The following NBPF9 variants were observed in gnomAD, a reference collection of about 807,000 sequenced individuals.
NBPF9 encodes NBPF member 9.
Under a neutral mutation model 97.8 loss-of-function variants are expected in NBPF9, and 91 were observed. The observed-to-expected ratio is 0.93, with a 90% confidence interval of 0.79 to 1.11. NBPF9 has a LOEUF of 1.11. Ranked by LOEUF, NBPF9 falls within the 50% of genes least tolerant of loss-of-function variation. NBPF9 has a pLI of 0.00. For synonymous variants in NBPF9, 334 were observed against 359.5 expected (o/e 0.93, Z 0.80); for missense variants, 992 against 939.5 (o/e 1.06, Z -0.73).
exon 30 of NBPF9, chr1:149,054,730 C>CG (rs2078098380): frequency 6.6e-6 from 1 of 150,560 alleles, no homozygotes; most frequent in Non-Finnish European, 1.5e-5. Context: ...TTCAAAATAA[C>CG]TAAAGAAATG....
chr1:149,063,077 T>C (rs1322056639), intron 20 of NBPF9, among the ~76,000 whole-genome samples, 164 bp from the exon 21 acceptor site: 1 of 139,032 alleles, frequency 7.2e-6, no homozygotes, highest in African/African-American at 2.9e-5. Context: ...ACCATAGAGA[T>C]TCCTTGGTTT....
At chr1:149,071,567 T>C in intron 15 of NBPF9, 37 bp downstream of exon 15, 1 of 954,908 alleles carries the variant, frequency 1.0e-6, no homozygotes, top group Non-Finnish European at 1.6e-6. Flanking sequence ...CCTCATATGT[T>C]ACCATCCATT....
chr1:149,081,351 C>T (rs1553656691), intron 7 of NBPF9, among the ~76,000 whole-genome samples: 1 of 151,966 alleles, frequency 6.6e-6, no homozygotes. Context: ...AACTGCTGAC[C>T]TCGTGCTCTG....
chr1:149,082,952 CT>C (rs1175496893), intron 5 of NBPF9, among the ~76,000 whole-genome samples: 8 of 61,004 alleles, frequency 1.3e-4, no homozygotes, highest in Non-Finnish European at 2.3e-4. Context: ...GCTAATTTTT[CT>C]TTTCTTTTTT....
At chr1:149,080,619 AT>A (rs1424265069) in intron 7 of NBPF9, among the ~76,000 whole-genome samples, 1 of 151,286 alleles carries the variant, frequency 6.6e-6, no homozygotes, top group East Asian at 1.9e-4. Flanking sequence ...AAAATATTTC[AT>A]TTTTAGATCA....
exon 30 of NBPF9, chr1:149,055,582 A>G (rs2078152596): frequency 6.5e-7 from 1 of 1,529,972 alleles, no homozygotes; most frequent in Non-Finnish European, 8.9e-7. Context: ...ATGGAACTGT[A>G]CTTTCATTCA....
chr1:149,074,225 G>C (rs1478297313), intron 12 of NBPF9, among the ~76,000 whole-genome samples: 2 of 151,578 alleles, frequency 1.3e-5, no homozygotes, highest in East Asian at 3.9e-4. Context: ...GGGGCATGAA[G>C]TAGTGATTTC....
chr1:149,064,120 A>C lies in NBPF9; in HGVS notation c.1853+311T>G, dbSNP rs112734863. On this transcript the variant is annotated intron_variant, in intron 19 of 29. Coordinates refer to ENST00000584027, the Ensembl canonical transcript of NBPF9. ...CTGTATTTGTGCTCTCAGGACACACAGTGAACAGTGATCATGAAAAGCATG... is the reference window on the plus strand; with the variant it reads ...CTGTATTTGTGCTCTCAGGACACACCGTGAACAGTGATCATGAAAAGCATG... Among the ~76,000 whole-genome samples the C allele has an allele frequency of 4.3e-5, 6 of 139,178 alleles. No homozygotes were observed. In the South Asian group the frequency reaches 1.2e-3, roughly 28 times the overall value. 91.3% of individuals were successfully genotyped at this position (139,178 alleles called of 152,430 possible).
At chr1:149,057,752 CAGAG>C (rs1250490177) in intron 27 of NBPF9, among the ~76,000 whole-genome samples, 4 of 64,300 alleles carry the variant, frequency 6.2e-5, no homozygotes, top group Admixed American at 1.6e-4. Flanking sequence ...CACACACACA[CAGAG>C]AGAGAGAGAG....
intron 5 of NBPF9, among the ~76,000 whole-genome samples, chr1:149,087,790 T>G (rs1474027281): frequency 1.3e-5 from 2 of 151,174 alleles, no homozygotes; most frequent in Non-Finnish European, 2.9e-5. Flanking sequence ...TTTTGTAGTT[T>G]TTGTTGTACT....
rs2078530371 is a variant in NBPF9, at chr1:149,060,604, G to A, written c.2395C>T (p.Gln799Ter). The stretch of plus-strand genomic sequence containing the variant: ...CCATAGGGCTGGCAGGAGTCAGGCT[G>A]TTCAAGACAACTGGAAGGAGTTGAA... The change falls in exon 24 of 30, where the codon CAG becomes TAG. Residue 799 changes from glutamine to a stop codon, truncating the protein, a stop_gained. Transcript: ENST00000584027. LOFTEE classifies it high-confidence loss of function. 2 of 392,280 alleles carry A rather than the reference G, an allele frequency of 5.1e-6. No homozygotes were observed. The highest frequency in any genetic ancestry group is 8.9e-6 in the Non-Finnish European group (2 of 224,042). 24.3% of individuals were successfully genotyped at this position (392,280 alleles called of 1,614,324 possible).
intron 5 of NBPF9, among the ~76,000 whole-genome samples, chr1:149,088,334 A>G (rs1293975228): frequency 3.5e-3 from 507 of 143,270 alleles, no homozygotes; most frequent in African/African-American, 0.014. Flanking sequence ...GTTAACAAAC[A>G]CAGTCATTAT....
At chr1:149,059,396 C>G (rs2152866118) in intron 25 of NBPF9, 1 of 420,724 alleles carries the variant, frequency 2.4e-6, no homozygotes, top group East Asian at 3.0e-5. Flanking sequence ...TCATGACACA[C>G]AGCAAACTGT....
rs1257329255 is a variant in NBPF9 at position 149,059,368 on chromosome 1, C to G, written c.2586-271G>C. The G allele has an allele frequency of 4.5e-6, 2 of 446,154 alleles. 1 individual carries two copies. The highest frequency in any genetic ancestry group is 5.0e-5 in the African/African-American group (2 of 40,358). 27.6% of individuals were successfully genotyped at this position (446,154 alleles called of 1,614,324 possible). A position where few individuals can be genotyped will look rare whatever the true frequency, so the allele number is the denominator to read the frequency against. ...ACACACTGATGAAGGAGTAAAAGGA[C>G]ACTCTGAGTTCGTGCCCTCATGACA... On this transcript the variant is annotated intron_variant, in intron 25 of 29. Coordinates refer to ENST00000584027, the Ensembl canonical transcript of NBPF9.
chr1:149,085,878 C>T (rs1194042386), intron 5 of NBPF9, among the ~76,000 whole-genome samples: 1 of 151,812 alleles, frequency 6.6e-6, no homozygotes, highest in Non-Finnish European at 1.5e-5. Context: ...AGAGGAAATT[C>T]CCTATGCCCC....
At chr1:149,082,390 T>A (rs1378329516) in exon 6 of NBPF9, 9 of 1,356,088 alleles carry the variant, frequency 6.6e-6, no homozygotes, top group Admixed American at 2.0e-5. Flanking sequence ...CAGACTCTGA[T>A]AAGAGTGAGG....
At chr1:149,095,398 G>T (rs1305671662) in intron 4 of NBPF9, among the ~76,000 whole-genome samples, 1 of 141,512 alleles carries the variant, frequency 7.1e-6, no homozygotes, top group Non-Finnish European at 1.5e-5. Flanking sequence ...GGGATCCTGG[G>T]TTCAATGATG....
intron 5 of NBPF9, among the ~76,000 whole-genome samples, 163 bp downstream of exon 5, chr1:149,090,589 GT>G (rs2081352115): frequency 6.6e-6 from 1 of 152,024 alleles, no homozygotes; most frequent in South Asian, 2.1e-4. Flanking sequence ...TCTAAAGAAT[GT>G]TTAGAAAATT....
exon 2 of NBPF9, chr1:149,102,750 G>A (rs1470526017): frequency 6.6e-6 from 1 of 151,858 alleles, no homozygotes; most frequent in Admixed American, 6.6e-5. Context: ...CGGTGAATTA[G>A]AGGCCTGCCC....
Sources: gnomAD v4.1 joint callset for allele counts (sites outside exome capture counted in the v4.1 genomes callset) on GRCh38, gnomAD v4.1.1 for gene constraint, MANE v1.5 for transcripts, NCBI Gene and HGNC (gene_info 2026-07-23, HGNC 2026-07-21) for gene names.